Variants in ADAM12 observed in about 807,000 individuals in gnomAD.
ADAM12 encodes disintegrin and metalloproteinase domain-containing protein 12.
A neutral mutation model predicts 106.4 loss-of-function variants in ADAM12; 70 were observed. That is an observed-to-expected ratio of 0.66 (90% CI 0.54 to 0.80). The LOEUF is 0.80. Among genes scored for constraint, ADAM12 ranks in the 30% least tolerant of loss-of-function variants. The probability of loss-of-function intolerance (pLI) is 0.00; values close to 1 mark genes in which losing one functional copy is unlikely to be tolerated. For missense variants in ADAM12, 1,010 were observed against 1,171.9 expected, an observed-to-expected ratio of 0.86 and a Z score of 2.02; for synonymous variants, 420 against 433.5, an observed-to-expected ratio of 0.97 and a Z score of 0.39.
At position 126,047,190 on chromosome 10, in the gene ADAM12, G is replaced by C. The variant is rs540221394; in HGVS notation, c.1918-1058C>G. Among the ~76,000 whole-genome samples, 8 of 152,148 alleles carry C rather than the reference G, an allele frequency of 5.3e-5. No homozygotes were observed. The South Asian group carries it at 1.2e-3, about 24-fold the overall frequency. Reference sequence around the variant, plus strand: ...ATTTTACAAATCCGTGGAGTCAAAGGAAAAAGAGTCTAACGTTCAAATGGC... The same window carrying C: ...ATTTTACAAATCCGTGGAGTCAAAGCAAAAAGAGTCTAACGTTCAAATGGC... On this transcript the variant is annotated intron_variant, in intron 16 of 22. Transcript: ENST00000448723.
chr10:126,178,752 A>G (rs1957263740), intron 3 of ADAM12, among the ~76,000 whole-genome samples: 1 of 152,140 alleles, frequency 6.6e-6, no homozygotes, highest in African/African-American at 2.4e-5. Flanking sequence ...AGCTGTCAAA[A>G]TCCACTCAAG....
chr10:126,098,491 A>G lies in ADAM12; in HGVS notation c.921T>C (p.Tyr307=), dbSNP rs968784842. The part of the protein sequence containing the change: ...HDNAQLVSGV[Y]FQGTTIGMAP... Reference sequence around the variant, plus strand: ...CCATGCCGATGGTGGTCCCTTGGAAATAAACCCCACTAGGAAATAAAAGAG... The same window carrying G: ...CCATGCCGATGGTGGTCCCTTGGAAGTAAACCCCACTAGGAAATAAAAGAG... Residue 307 remains tyrosine, a synonymous_variant, in exon 10 of 23, where the codon TAT becomes TAC. Transcript: ENST00000448723. 6.2e-6 allele frequency: 10 copies of G among 1,613,724 alleles called. No homozygotes were observed. The highest frequency in any genetic ancestry group is 2.7e-5 in the African/African-American group (2 of 74,920).
At chr10:126,182,855 G>A (rs1426788186) in intron 3 of ADAM12, among the ~76,000 whole-genome samples, 1 of 152,216 alleles carries the variant, frequency 6.6e-6, no homozygotes, top group Non-Finnish European at 1.5e-5. Context: ...CTCCTGGCAC[G>A]CAAGCGTGCA....
chr10:126,261,942 A>C (rs1158474061), intron 3 of ADAM12, among the ~76,000 whole-genome samples: 1 of 151,922 alleles, frequency 6.6e-6, no homozygotes, highest in Non-Finnish European at 1.5e-5. Flanking sequence ...TAGTATTTTT[A>C]ATACCCAACA....
intron 7 of ADAM12, among the ~76,000 whole-genome samples, chr10:126,108,908 T>C (rs1463295956): frequency 6.6e-6 from 1 of 152,232 alleles, no homozygotes; most frequent in Admixed American, 6.5e-5. Flanking sequence ...TCCAGCCTCA[T>C]AAATGATGGA....
Position 126,388,069 on chromosome 10 carries a change from C to A in ADAM12, c.77G>T (p.Cys26Phe). Residue 26 changes from cysteine to phenylalanine, a missense_variant, in exon 1 of 23, where the codon TGC becomes TTC. Cys to Phe is a radical substitution (Grantham distance 205). Around this residue, in one of 3 missense-constraint regions of ADAM12, gnomAD observed 391 missense variants for 442.9 expected, o/e 0.88. Coordinates refer to ENST00000448723, the MANE Select transcript of ADAM12 (RefSeq NM_001288973.2). The surrounding 1 kb of genome is among the most constrained non-coding windows in gnomAD (Gnocchi z 4.4). ...GTTCGGCGACTTACCTCGGGCCTCG[C>A]AGGGCGCGAGCAGAGCACCGGCCAG... ...LALAGALLAP[C>F]EARGVSLWNQ... The A allele has an allele frequency of 8.1e-7, 1 of 1,227,906 alleles. No individual in the cohort carries two copies. The highest frequency in any genetic ancestry group is 1.0e-6 in the Non-Finnish European group (1 of 984,094). The allele number at this position is 1,227,906 out of a possible 1,614,324, so 76.1% of individuals were successfully genotyped here. A position where few individuals can be genotyped will look rare whatever the true frequency, so the allele number is the denominator to read the frequency against.
In ADAM12 at chr10:126,186,652, G is replaced by A. The variant is rs1315589796; in HGVS notation, c.261-31347C>T. Among the ~76,000 whole-genome samples, 5 of 152,200 alleles carry A rather than the reference G, an allele frequency of 3.3e-5. No individual in the cohort carries two copies. The East Asian group carries it at 9.7e-4, about 29-fold the overall frequency. On this transcript the variant is annotated intron_variant, in intron 3 of 22. Transcript: ENST00000448723. ...TGGGCCATAGAGGGGGGCAGGAATC[G>A]CACAGTGTCTGGACCAGCAGACAAC...
chr10:126,028,626 C>T (rs993455130), intron 21 of ADAM12, among the ~76,000 whole-genome samples: 6 of 152,166 alleles, frequency 3.9e-5, no homozygotes, highest in Admixed American at 1.3e-4. Flanking sequence ...AGCTGGACCC[C>T]TTCCTTACAC....
intron 2 of ADAM12, 121 bp downstream of exon 2, chr10:126,330,291 C>T: frequency 1.2e-6 from 1 of 845,252 alleles, no homozygotes; most frequent in South Asian, 2.2e-5. Flanking sequence ...CTTCCATTCT[C>T]TAAGGATAGA....
intron 3 of ADAM12, among the ~76,000 whole-genome samples, chr10:126,158,930 T>A (rs1256169541): frequency 6.6e-6 from 1 of 151,786 alleles, no homozygotes; most frequent in African/African-American, 2.4e-5. Flanking sequence ...GGAGGGGGGA[T>A]GCACAGAGCA....
chr10:126,201,665 T>A (rs565250365), intron 3 of ADAM12, among the ~76,000 whole-genome samples: 2 of 152,058 alleles, frequency 1.3e-5, no homozygotes, highest in Admixed American at 6.6e-5. Flanking sequence ...AGGGAAGACA[T>A]GATGTAGTCA....
chr10:126,313,371 C>T (rs1961200591), intron 2 of ADAM12, among the ~76,000 whole-genome samples: 1 of 152,190 alleles, frequency 6.6e-6, no homozygotes, highest in Non-Finnish European at 1.5e-5. Context: ...AACCCTGCCT[C>T]ACAAAGGAGA....
intron 4 of ADAM12, among the ~76,000 whole-genome samples, chr10:126,137,859 TGTAA>T (rs1160537570): frequency 1.3e-5 from 2 of 152,254 alleles, no homozygotes; most frequent in Non-Finnish European, 2.9e-5. Flanking sequence ...TACACATTTT[TGTAA>T]GGATGTGTTT....
chr10:126,090,312 CAAA>C (rs58704417), intron 11 of ADAM12, among the ~76,000 whole-genome samples: 59 of 123,280 alleles, frequency 4.8e-4, no homozygotes, highest in Non-Finnish European at 6.2e-4. Flanking sequence ...AAACTTTCTG[CAAA>C]AAAAAAAAAA....
At chr10:126,101,321 C>T (rs576581158) in intron 8 of ADAM12, 80 bp from the exon 9 acceptor site, 29 of 1,468,612 alleles carry the variant, frequency 2.0e-5, no homozygotes, top group East Asian at 1.4e-4. Flanking sequence ...AACAGATTTG[C>T]GTTATTTGAG....
intron 5 of ADAM12, among the ~76,000 whole-genome samples, chr10:126,128,808 G>C (rs1956252983): frequency 6.7e-6 from 1 of 149,200 alleles, no homozygotes; most frequent in South Asian, 2.1e-4. Flanking sequence ...ATGTGTGCAA[G>C]TGGACGCCTG....
chr10:126,246,472 G>T (rs1267164522), intron 3 of ADAM12, among the ~76,000 whole-genome samples: 3 of 152,146 alleles, frequency 2.0e-5, no homozygotes, highest in Non-Finnish European at 4.4e-5. Flanking sequence ...GAACATCAAT[G>T]CAAAAATCCT....
At chr10:126,247,689 G>T (rs1029751415) in intron 3 of ADAM12, among the ~76,000 whole-genome samples, 2 of 152,176 alleles carry the variant, frequency 1.3e-5, no homozygotes, top group Non-Finnish European at 2.9e-5. Context: ...GGAATTCTTC[G>T]CTGTTATCTA....
rs184754466 is a variant in ADAM12, at chr10:126,192,645, C to T, written c.261-37340G>A. Among the ~76,000 whole-genome samples the T allele has an allele frequency of 1.8e-4, 27 of 152,334 alleles. No individual in the cohort carries two copies. In the East Asian group the frequency reaches 5.0e-3, roughly 28 times the overall value. ...TTACAATTCTAAATCTCTGTTTGTA[C>T]TTCAGTAGATGGGATCCCCCTCGGG... On this transcript the variant is annotated intron_variant, in intron 3 of 22. Transcript: ENST00000448723.
Sources: gnomAD v4.1 joint callset for allele counts (sites outside exome capture counted in the v4.1 genomes callset) on GRCh38, gnomAD v4.1.1 for gene constraint, gnomAD v4.1.1 regional missense constraint, Gnocchi (gnomAD v3.1) non-coding constraint, MANE v1.5 for transcripts, NCBI Gene and HGNC (gene_info 2026-07-23, HGNC 2026-07-21) for gene names.